ADGRV1: variants seen among roughly 807,000 people sequenced by gnomAD.
The protein encoded by ADGRV1 is G-protein coupled receptor 98.
Under a neutral mutation model 596.2 loss-of-function variants are expected in ADGRV1, and 359 were observed. The observed-to-expected ratio is 0.60, with a 90% CI of 0.55 to 0.66. The LOEUF (loss-of-function observed/expected upper bound fraction) is 0.66. Ranked by LOEUF, ADGRV1 falls within the 30% of genes least tolerant of loss-of-function variation. ADGRV1 has a pLI of 0.00. For missense variants in ADGRV1, 7,274 were observed against 7,575.6 expected, an observed-to-expected ratio of 0.96 and a Z score of 1.48; for synonymous variants, 2,681 against 2,679.2, an observed-to-expected ratio of 1.00 and a Z score of -0.02.
At position 90,712,393 on chromosome 5, in the gene ADGRV1, C is replaced by T; in HGVS notation, c.9149C>T (p.Pro3050Leu). 1 of 1,590,186 alleles carries T rather than the reference C, an allele frequency of 6.3e-7. No homozygotes were observed. The highest frequency in any genetic ancestry group is 8.6e-7 in the Non-Finnish European group (1 of 1,165,546). Residue 3050 changes from proline to leucine, a missense_variant, in exon 42 of 90, where the codon CCT becomes CTT. Physicochemically the swap from Pro to Leu is moderately conservative, Grantham distance 98. Coordinates refer to ENST00000405460, the MANE Select transcript of ADGRV1 (RefSeq NM_032119.4). ...AAATTTCAGCTGATTTTAACAAATC[C>T]TTCTCCTGGACTAGAGCTAGGGAAA... is the stretch of plus-strand genomic sequence containing the variant. ...DEKFQLILTN[P>L]SPGLELGKNT...
At chr5:90,724,701 C>T in intron 45 of ADGRV1, 131 bp from the exon 46 acceptor site, 2 of 746,106 alleles carry the variant, frequency 2.7e-6, no homozygotes, top group South Asian at 3.5e-5. Flanking sequence ...TTTTCACACT[C>T]ATACACACGT....
chr5:90,975,832 C>T (rs573396247), intron 84 of ADGRV1, among the ~76,000 whole-genome samples: 65 of 146,780 alleles, frequency 4.4e-4, no homozygotes, highest in Non-Finnish European at 8.7e-4. Context: ...TGCACATGTA[C>T]CCTAGAACTT....
intron 52 of ADGRV1, among the ~76,000 whole-genome samples, chr5:90,750,204 A>G (rs914930103): frequency 6.6e-6 from 1 of 152,200 alleles, no homozygotes; most frequent in Admixed American, 6.5e-5. Context: ...CTCTTCTACA[A>G]ACTTTTTACA....
intron 85 of ADGRV1, among the ~76,000 whole-genome samples, chr5:91,015,085 T>G (rs1309543695): frequency 6.6e-6 from 1 of 152,110 alleles, no homozygotes; most frequent in African/African-American, 2.4e-5. Context: ...TGTATCTTTG[T>G]TCTCGTTAGT....
intron 65 of ADGRV1, among the ~76,000 whole-genome samples, chr5:90,782,692 A>G (rs908836679): frequency 6.6e-6 from 1 of 152,180 alleles, no homozygotes; most frequent in Non-Finnish European, 1.5e-5. Flanking sequence ...TATGATATAC[A>G]TATCATAAAC....
intron 85 of ADGRV1, among the ~76,000 whole-genome samples, chr5:91,022,256 C>T (rs114570718): frequency 0.015 from 2,211 of 152,074 alleles, 50 homozygotes; most frequent in African/African-American, 0.049. Flanking sequence ...AATCTAGAAT[C>T]TATGATGACA....
intron 1 of ADGRV1, among the ~76,000 whole-genome samples, chr5:90,580,961 T>G (rs1322061936): frequency 1.3e-5 from 2 of 152,180 alleles, no homozygotes; most frequent in Admixed American, 6.5e-5. Flanking sequence ...TATTTTACTC[T>G]TTTTTCTCTA....
chr5:90,750,666 G>T lies in ADGRV1; in HGVS notation c.11090G>T (p.Ser3697Ile). ...RITIAWEADG[S>I]ISDIFPTSGV... is the part of the protein sequence containing the mutation. ...ACCATAGCATGGGAAGCTGATGGAA[G>T]TATTAGTGATATATTTCCTACCTCA... Residue 3697 changes from serine to isoleucine, a missense_variant, in exon 53 of 90, where the codon AGT becomes ATT. Physicochemically the swap from Ser to Ile is moderately radical, Grantham distance 142 (BLOSUM62 -2). Around this residue, in one of 5 missense-constraint regions of ADGRV1, gnomAD observed 3,643 missense variants for 3,809.2 expected, o/e 0.96. Transcript: ENST00000405460. 1 of 1,611,956 alleles carries T rather than the reference G, an allele frequency of 6.2e-7. No homozygotes were observed. The highest frequency in any genetic ancestry group is 2.2e-5 in the East Asian group (1 of 44,834).
intron 85 of ADGRV1, among the ~76,000 whole-genome samples, chr5:91,022,354 G>A (rs569774306): frequency 2.0e-5 from 3 of 151,956 alleles, no homozygotes; most frequent in African/African-American, 4.8e-5. Context: ...ACTACTCATC[G>A]TGTCAGTGGA....
intron 87 of ADGRV1, among the ~76,000 whole-genome samples, chr5:91,130,105 A>G (rs1007941153): frequency 6.6e-6 from 1 of 152,122 alleles, no homozygotes; most frequent in East Asian, 1.9e-4. Flanking sequence ...AAAACAAAAT[A>G]TGAAAAAAAT....
intron 85 of ADGRV1, among the ~76,000 whole-genome samples, chr5:91,050,402 A>G (rs1475498623): frequency 1.3e-5 from 2 of 152,158 alleles, no homozygotes; most frequent in Non-Finnish European, 2.9e-5. Context: ...AGCACTTCAC[A>G]ATGTCCTTAT....
chr5:90,706,185 A>C (rs1204826922), intron 37 of ADGRV1, 46 bp from the exon 38 acceptor site: 6 of 1,540,502 alleles, frequency 3.9e-6, no homozygotes, highest in Non-Finnish European at 5.3e-6. Context: ...ATATTATTGT[A>C]AACATTTAGA....
At chr5:90,695,805 G>T (rs1389999175) in intron 33 of ADGRV1, among the ~76,000 whole-genome samples, 2 of 152,084 alleles carry the variant, frequency 1.3e-5, no homozygotes, top group Non-Finnish European at 2.9e-5. Flanking sequence ...CTTGACGGAA[G>T]ATGGGAACAG....
chr5:90,665,837 GA>G (rs1203185750), intron 21 of ADGRV1, among the ~76,000 whole-genome samples: 1 of 151,224 alleles, frequency 6.6e-6, no homozygotes, highest in Admixed American at 6.6e-5. Context: ...TGGTTTCAAA[GA>G]ACATCTTTAT....
intron 85 of ADGRV1, among the ~76,000 whole-genome samples, chr5:91,063,210 C>T (rs769865242): frequency 1.3e-5 from 2 of 151,956 alleles, no homozygotes; most frequent in Non-Finnish European, 2.9e-5. Context: ...CTGCCCACCT[C>T]GGCCTCCCAA....
chr5:90,800,770 C>T (rs368842298), intron 70 of ADGRV1, among the ~76,000 whole-genome samples: 5 of 152,210 alleles, frequency 3.3e-5, no homozygotes, highest in East Asian at 1.9e-4. Flanking sequence ...ATGTCCTTTG[C>T]AGGGTCATGG....
In ADGRV1 at chr5:91,116,847, G is replaced by A. The variant is rs925575454; in HGVS notation, c.18432+14507G>A. Among the ~76,000 whole-genome samples, 3 of 152,198 alleles carry A rather than the reference G, an allele frequency of 2.0e-5. No homozygotes were observed. In the South Asian group the frequency reaches 6.2e-4, roughly 32 times the overall value. Reference sequence around the variant, plus strand: ...CAAAAAGGGGGCCACTACCCTAGGTGGATAATATTTAATTTGGCATGTGAT... The same window carrying A: ...CAAAAAGGGGGCCACTACCCTAGGTAGATAATATTTAATTTGGCATGTGAT... On this transcript the variant is annotated intron_variant, in intron 87 of 89. Coordinates refer to ENST00000405460, the MANE Select transcript of ADGRV1 (RefSeq NM_032119.4).
chr5:90,665,234 G>A (rs1358742542), intron 21 of ADGRV1, among the ~76,000 whole-genome samples: 1 of 152,012 alleles, frequency 6.6e-6, no homozygotes, highest in Non-Finnish European at 1.5e-5. Flanking sequence ...CTGTGAATCC[G>A]TTTGGTCCTG....
At chr5:90,633,829 C>T (rs1267810316) in intron 9 of ADGRV1, among the ~76,000 whole-genome samples, 2 of 151,908 alleles carry the variant, frequency 1.3e-5, no homozygotes, top group Non-Finnish European at 2.9e-5. Flanking sequence ...TTTACCAAAA[C>T]CAAAATTATT....
Sources: allele counts gnomAD v4.1 joint callset (sites outside exome capture counted in the v4.1 genomes callset), GRCh38; gene constraint gnomAD v4.1.1; regional missense constraint gnomAD v4.1.1; transcripts MANE v1.5; gene names NCBI Gene and HGNC (gene_info 2026-07-23, HGNC 2026-07-21).